The following NRXN3 variants were observed in gnomAD, a reference collection of about 807,000 sequenced individuals.
NRXN3 encodes neurexin 3.
NRXN3 carries 32 observed loss-of-function variants against 137.6 expected under a neutral mutation model. That is an observed-to-expected ratio of 0.23 (90% CI 0.18 to 0.31). The LOEUF (loss-of-function observed/expected upper bound fraction) is 0.31. NRXN3 is among the 10% of genes least tolerant of loss of function. The pLI is 1.00. For synonymous variants in NRXN3, 798 were observed against 784.5 expected, an observed-to-expected ratio of 1.02 and a Z score of -0.29; for missense variants, 1,574 against 2,062.5, an observed-to-expected ratio of 0.76 and a Z score of 4.59.
chr14:78,216,307 A>G (rs2063276982), intron 1 of NRXN3, among the ~76,000 whole-genome samples: 1 of 151,988 alleles, frequency 6.6e-6, no homozygotes, highest in Admixed American at 6.6e-5. Flanking sequence ...TGCATTTGTA[A>G]GTCCTTTTCA....
At chr14:79,079,756 G>A (rs143516169) in intron 15 of NRXN3, among the ~76,000 whole-genome samples, 32 of 152,244 alleles carry the variant, frequency 2.1e-4, no homozygotes, top group Admixed American at 1.6e-3. Context: ...TTGGGAGGCC[G>A]AGGCGGGTGG....
rs778081071 is a variant in NRXN3, at chr14:78,967,271, C to T, written c.2841C>T (p.Arg947=). 2 of 1,613,824 alleles carry T rather than the reference C, an allele frequency of 1.2e-6. No individual in the cohort carries two copies. The highest frequency in any genetic ancestry group is 1.7e-6 in the Non-Finnish European group (2 of 1,179,950). The stretch of plus-strand genomic sequence containing the variant: ...ATGTGATCAAAGGCAACAGTGACCG[C>T]CCCCTGAATGACAACCAGTGGCACA... ...GPNVIKGNSD[R]PLNDNQWHNV... Residue 947 remains arginine (R), a synonymous_variant, in exon 13 of 21, where the codon CGC becomes CGT. Transcript: ENST00000335750.
At chr14:78,806,138 C>T (rs1376573096) in intron 9 of NRXN3, among the ~76,000 whole-genome samples, 1 of 151,180 alleles carries the variant, frequency 6.6e-6, no homozygotes. Context: ...GGAGAGGTAG[C>T]CTCTCTGTAG....
At chr14:78,302,552 T>C (rs887372395) in intron 4 of NRXN3, among the ~76,000 whole-genome samples, 3 of 152,176 alleles carry the variant, frequency 2.0e-5, no homozygotes, top group African/African-American at 7.2e-5. Context: ...GTTTAAGCCT[T>C]CTAGCTACCT....
intron 15 of NRXN3, among the ~76,000 whole-genome samples, chr14:79,173,571 A>C (rs2153101625): frequency 6.6e-6 from 1 of 151,328 alleles, no homozygotes; most frequent in African/African-American, 2.4e-5. Context: ...AAAAGATATC[A>C]TTGCCAAATT....
chr14:79,428,895 T>G (rs1330827935), intron 15 of NRXN3, among the ~76,000 whole-genome samples: 2 of 152,216 alleles, frequency 1.3e-5, no homozygotes, highest in Non-Finnish European at 2.9e-5. Context: ...GATATGTTCT[T>G]GAAGAGAATA....
intron 5 of NRXN3, among the ~76,000 whole-genome samples, chr14:78,650,082 TTTTTC>T (rs919472734): frequency 2.4e-4 from 37 of 152,278 alleles, no homozygotes; most frequent in African/African-American, 3.1e-4. Context: ...GGGTTTGGAC[TTTTTC>T]TTTTCTTTTC....
chr14:79,200,828 ATTTTTTTTTTT>A (rs56194422), intron 15 of NRXN3, among the ~76,000 whole-genome samples: 2 of 59,056 alleles, frequency 3.4e-5, no homozygotes, highest in East Asian at 6.5e-4. Context: ...TGTGAGCTGT[ATTTTTTTTTTT>A]TTTTTTTTTT....
At chr14:79,605,257 G>A (rs2097991525) in intron 16 of NRXN3, among the ~76,000 whole-genome samples, 1 of 152,074 alleles carries the variant, frequency 6.6e-6, no homozygotes, top group African/African-American at 2.4e-5. Context: ...CTTGATAATT[G>A]TCCAGGGCCT....
intron 10 of NRXN3, among the ~76,000 whole-genome samples, chr14:78,906,307 C>A (rs1433206006): frequency 1.3e-5 from 2 of 151,998 alleles, no homozygotes; most frequent in Admixed American, 6.6e-5. Context: ...GCCCTGCACT[C>A]CAACTAGACT....
At chr14:79,600,401 G>C (rs2097909842) in intron 16 of NRXN3, among the ~76,000 whole-genome samples, 1 of 152,290 alleles carries the variant, frequency 6.6e-6, no homozygotes, top group South Asian at 2.1e-4. Flanking sequence ...GTATACTTCA[G>C]ATGCACAAGG....
intron 4 of NRXN3, among the ~76,000 whole-genome samples, chr14:78,534,591 C>T (rs755701622): frequency 1.6e-4 from 25 of 152,080 alleles, no homozygotes; most frequent in Non-Finnish European, 3.1e-4. Flanking sequence ...TTTCTAGATC[C>T]TTTTTTGCTC....
In NRXN3 at chr14:79,016,523, G is replaced by A. The variant is rs1446498591; in HGVS notation, c.3262+28382G>A. Among the ~76,000 whole-genome samples, 7 of 152,160 alleles carry A rather than the reference G, an allele frequency of 4.6e-5. No individual in the cohort carries two copies. The South Asian group carries it at 6.2e-4, about 14-fold the overall frequency. On this transcript the variant is annotated intron_variant, in intron 15 of 20. Transcript: ENST00000335750. ...GTGTGCTAGATGCAAGGGATAGCAC[G>A]GTGGTAACGATAGACATGGTCCCAG...
chr14:79,018,271 AAAAAAAAAAAAAAAAAAAAAAAAAAG>A (rs1256004500), intron 15 of NRXN3, among the ~76,000 whole-genome samples: 10 of 73,984 alleles, frequency 1.4e-4, no homozygotes, highest in Non-Finnish European at 2.1e-4. Context: ...AAAAAAAAAA[AAAAAAAAAAAAAAAAAAAAAAAAAAG>A]AGAGAGAGCA....
chr14:78,278,562 T>C, intron 2 of NRXN3, 83 bp from the exon 3 acceptor site: 1 of 990,736 alleles, frequency 1.0e-6, no homozygotes, highest in Non-Finnish European at 1.5e-6. Flanking sequence ...ATTGTGTGTG[T>C]GTGTGCTGCT....
chr14:79,110,120 AT>A (rs1242953654), intron 15 of NRXN3, among the ~76,000 whole-genome samples: 1 of 152,178 alleles, frequency 6.6e-6, no homozygotes, highest in Admixed American at 6.5e-5. Flanking sequence ...ATGTTATATT[AT>A]TTTAATTTAC....
intron 10 of NRXN3, among the ~76,000 whole-genome samples, chr14:78,926,943 TATATA>T (rs1198654541): frequency 2.4e-5 from 1 of 41,146 alleles, no homozygotes; most frequent in Non-Finnish European, 3.6e-5. Context: ...TTTATATATA[TATATA>T]ATATATATAA....
intron 11 of NRXN3, among the ~76,000 whole-genome samples, chr14:78,958,522 AT>A (rs1246566607): frequency 1.3e-5 from 2 of 151,798 alleles, no homozygotes; most frequent in African/African-American, 2.4e-5. Flanking sequence ...CGCCTGGCTA[AT>A]TTTTTGTATT....
chr14:78,942,790 G>A (rs1325143701), intron 10 of NRXN3, among the ~76,000 whole-genome samples: 1 of 152,084 alleles, frequency 6.6e-6, no homozygotes, highest in East Asian at 1.9e-4. Context: ...AACAACTAAT[G>A]ATAAATATTT....
Sources: allele counts gnomAD v4.1 joint callset (sites outside exome capture counted in the v4.1 genomes callset), GRCh38; gene constraint gnomAD v4.1.1; transcripts MANE v1.5; gene names NCBI Gene and HGNC (gene_info 2026-07-23, HGNC 2026-07-21).